Variants in HEMK2 observed in about 807,000 individuals in gnomAD.
HEMK2 encodes the protein methyltransferase HEMK2.
the HEMK2 span, among the ~76,000 whole-genome samples, chr21:28,591,861 T>A: frequency 6.6e-6 from 1 of 152,210 alleles, no homozygotes; most frequent in African/African-American, 2.4e-5. Context: ...TCCATCCATG[T>A]TCCTGCAAAG....
chr21:28,720,594 A>G, the HEMK2 span, among the ~76,000 whole-genome samples: 1 of 152,168 alleles, frequency 6.6e-6, no homozygotes, highest in Non-Finnish European at 1.5e-5. Flanking sequence ...TTAGCTGGGC[A>G]TGGTGGCGGG....
the HEMK2 span, among the ~76,000 whole-genome samples, chr21:28,728,284 C>T: frequency 6.6e-6 from 1 of 152,122 alleles, no homozygotes; most frequent in African/African-American, 2.4e-5. Flanking sequence ...TAATTATCAC[C>T]TATGACTTTG....
the HEMK2 span, among the ~76,000 whole-genome samples, chr21:28,687,806 G>A: frequency 6.6e-6 from 1 of 152,158 alleles, no homozygotes; most frequent in Non-Finnish European, 1.5e-5. Context: ...GCTTAAGGAT[G>A]GAGGCCTTCA....
chr21:28,576,060 T>A, the HEMK2 span, among the ~76,000 whole-genome samples: 254 of 152,326 alleles, frequency 1.7e-3, 2 homozygotes, highest in African/African-American at 5.8e-3. Context: ...CATTCTTGGA[T>A]AAATTTTTTA....
At chr21:28,680,805 C>T in the HEMK2 span, among the ~76,000 whole-genome samples, 5 of 152,032 alleles carry the variant, frequency 3.3e-5, no homozygotes, top group African/African-American at 7.2e-5. Context: ...AAAAACCATA[C>T]GATTATCTCA....
the HEMK2 span, among the ~76,000 whole-genome samples, chr21:28,736,010 T>G: frequency 6.6e-6 from 1 of 152,144 alleles, no homozygotes; most frequent in Non-Finnish European, 1.5e-5. Context: ...TCAGCCCAAA[T>G]TTAAATGGTG....
the HEMK2 span, among the ~76,000 whole-genome samples, chr21:28,870,960 A>C: frequency 6.6e-6 from 1 of 152,176 alleles, no homozygotes; most frequent in Non-Finnish European, 1.5e-5. Flanking sequence ...GTTCTATATT[A>C]GTCTATTATA....
At chr21:28,834,315 C>A in the HEMK2 span, among the ~76,000 whole-genome samples, 46 of 152,296 alleles carry the variant, frequency 3.0e-4, no homozygotes, top group Non-Finnish European at 5.6e-4. Context: ...CCTGGGAGAC[C>A]CCCCAAAACT....
chr21:28,582,288 C>T, the HEMK2 span, among the ~76,000 whole-genome samples: 1 of 152,218 alleles, frequency 6.6e-6, no homozygotes, highest in African/African-American at 2.4e-5. Flanking sequence ...CACTCATAGA[C>T]ATCTCTGGTC....
chr21:28,882,355 GA>G, the HEMK2 span: 10,593 of 558,228 alleles, frequency 0.019, 45 homozygotes, highest in Non-Finnish European at 0.022. Context: ...AACAGATTTA[GA>G]AAAAAAAAAA....
the HEMK2 span, among the ~76,000 whole-genome samples, chr21:28,824,842 T>A: frequency 2.0e-5 from 3 of 152,216 alleles, no homozygotes; most frequent in African/African-American, 7.2e-5. Flanking sequence ...TATTTCTCCA[T>A]TTTTCTGTCT....
the HEMK2 span, chr21:28,878,106 G>T: frequency 8.4e-7 from 1 of 1,196,116 alleles, no homozygotes; most frequent in South Asian, 1.5e-5. Context: ...AACATGCCAG[G>T]TTATCTTATA....
the HEMK2 span, among the ~76,000 whole-genome samples, chr21:28,831,682 A>AGAAGGAAGGAAG: frequency 2.5e-4 from 5 of 20,328 alleles, no homozygotes; most frequent in East Asian, 9.8e-4. Flanking sequence ...AAAGAAAGAA[A>AGAAGGAAGGAAG]GAAGGAAGGA....
the HEMK2 span, among the ~76,000 whole-genome samples, chr21:28,668,325 A>G: frequency 3.3e-5 from 5 of 152,174 alleles, no homozygotes; most frequent in African/African-American, 1.2e-4. Flanking sequence ...ACTTATAACA[A>G]CTGAAATTTG....
At chr21:28,705,713 G>A in the HEMK2 span, among the ~76,000 whole-genome samples, 6 of 152,108 alleles carry the variant, frequency 3.9e-5, no homozygotes, top group Non-Finnish European at 7.4e-5. Context: ...GCTCTCGCTG[G>A]GCCAAAATCA....
the HEMK2 span, among the ~76,000 whole-genome samples, chr21:28,640,347 T>C: frequency 1.3e-5 from 2 of 152,170 alleles, no homozygotes; most frequent in Admixed American, 1.3e-4. Context: ...GGGGTCACCA[T>C]CTAAGAGTCC....
At chr21:28,732,210 G>A in the HEMK2 span, among the ~76,000 whole-genome samples, 39 of 152,288 alleles carry the variant, frequency 2.6e-4, no homozygotes, top group South Asian at 8.3e-4. Context: ...AGGGACTATC[G>A]TCTCTTCAAG....
the HEMK2 span, among the ~76,000 whole-genome samples, chr21:28,693,195 G>A: frequency 6.6e-6 from 1 of 152,126 alleles, no homozygotes; most frequent in East Asian, 1.9e-4. Flanking sequence ...TATGTATAAT[G>A]TAGATGGTAA....
chr21:28,590,287 CCA>C, the HEMK2 span, among the ~76,000 whole-genome samples: 1 of 152,056 alleles, frequency 6.6e-6, no homozygotes, highest in Non-Finnish European at 1.5e-5. Flanking sequence ...AAACTGGACA[CCA>C]GTGTAAGCGT....
Sources: allele counts gnomAD v4.1 joint callset (sites outside exome capture counted in the v4.1 genomes callset), GRCh38; gene constraint gnomAD v4.1.1; transcripts MANE v1.5; gene names NCBI Gene and HGNC (gene_info 2026-07-23, HGNC 2026-07-21).